Variants in SPATC1 observed in about 807,000 individuals in gnomAD.
The protein encoded by SPATC1 is spermatogenesis and centriole associated 1.
Under a neutral mutation model 36.5 loss-of-function variants are expected in SPATC1, and 35 were observed. The ratio of observed to expected loss-of-function variants is 0.96; its 90% confidence interval spans 0.73 to 1.27. The LOEUF (loss-of-function observed/expected upper bound fraction) is 1.27. SPATC1 is among the 50% of genes most tolerant of loss of function. SPATC1 has a pLI of 0.00. For missense variants in SPATC1, 779 were observed against 796.0 expected, an observed-to-expected ratio of 0.98 and a Z score of 0.26; for synonymous variants, 361 against 353.6, an observed-to-expected ratio of 1.02 and a Z score of -0.24.
chr8:144,023,637 TGAGGAACTTCTTC>T (rs1834600379), intron 1 of SPATC1, among the ~76,000 whole-genome samples: 1 of 95,432 alleles, frequency 1.0e-5, no homozygotes, highest in Non-Finnish European at 2.2e-5. Context: ...CCCTCTTCCC[TGAGGAACTTCTTC>T]CCTCAGGACC....
chr8:144,046,608 A>G lies in SPATC1; in HGVS notation c.1447-19A>G, dbSNP rs1835268570. 6.3e-7 allele frequency: 1 copy of G among 1,594,790 alleles called. No individual in the cohort carries two copies. The highest frequency in any genetic ancestry group is 8.5e-7 in the Non-Finnish European group (1 of 1,172,604). ...GAGGTGTGGCAAGGGAGGGTCCCTG[A>G]TGGCCGCTGTCCCCACAGGCTTCCC... On this transcript the variant is annotated intron_variant, in intron 4 of 4. Coordinates refer to ENST00000377470, the MANE Select transcript of SPATC1 (RefSeq NM_198572.3). This position sits in a 1 kb window ranked among gnomAD's most constrained non-coding sequence, Gnocchi z 6.6.
At chr8:144,027,072 T>C (rs1182912392) in intron 1 of SPATC1, among the ~76,000 whole-genome samples, 5 of 149,786 alleles carry the variant, frequency 3.3e-5, no homozygotes, top group Non-Finnish European at 7.4e-5. Flanking sequence ...GGCCCCATGA[T>C]CCGCCTGCCT....
intron 1 of SPATC1, among the ~76,000 whole-genome samples, chr8:144,032,450 G>C (rs1834816584): frequency 6.6e-6 from 1 of 151,852 alleles, no homozygotes; most frequent in African/African-American, 2.4e-5. Flanking sequence ...GCTAATTTTT[G>C]TATTCTTAGT....
At chr8:144,036,100 A>G (rs1834893164) in intron 1 of SPATC1, among the ~76,000 whole-genome samples, 1 of 152,166 alleles carries the variant, frequency 6.6e-6, no homozygotes, top group Admixed American at 6.5e-5. Context: ...CTTTCTAAAA[A>G]GTCAGAACAA....
At chr8:144,012,785 G>A (rs1354732149) in intron 1 of SPATC1, 59 bp downstream of exon 1, 3 of 1,528,416 alleles carry the variant, frequency 2.0e-6, no homozygotes, top group Non-Finnish European at 2.7e-6. Context: ...CCAGAGAGGA[G>A]AGACTCAGTG....
chr8:144,041,161 C>T lies in SPATC1; in HGVS notation c.1306+54C>T, dbSNP rs573619639. The T allele has an allele frequency of 6.3e-5, 100 of 1,593,896 alleles. No individual in the cohort carries two copies. In the East Asian group the frequency reaches 1.5e-3, roughly 23 times the overall value. On this transcript the variant is annotated intron_variant, in intron 3 of 4. Transcript: ENST00000377470. ...TCGGGCCCCCAGGCCCTCTCCCTGC[C>T]GCCTGCCTGGGCTGCTGAGCCCAGC...
In SPATC1 at chr8:144,046,500, C is replaced by G. The variant is rs147747253; in HGVS notation, c.1447-127C>G. The G allele has an allele frequency of 4.3e-4, 370 of 856,478 alleles. 3 individuals carry two copies. In the African/African-American group the frequency reaches 5.6e-3, roughly 13 times the overall value. The allele number at this position is 856,478 out of a possible 1,614,324, so 53.1% of individuals were successfully genotyped here. On this transcript the variant is annotated intron_variant, in intron 4 of 4. Transcript: ENST00000377470. The surrounding 1 kb of genome is among the most constrained non-coding windows in gnomAD (Gnocchi z 6.6). ...TAGATTCTTGAGGTCTGTCGCAGAA[C>G]CTCCCCACCGCACACCCCTCGGATC... is the stretch of plus-strand genomic sequence containing the variant.
rs1554756166 is a variant in SPATC1, at chr8:144,041,993, C to T, written c.1446+622C>T. 5 of 985,098 alleles carry T rather than the reference C, an allele frequency of 5.1e-6. No individual in the cohort carries two copies. The African/African-American group carries it at 5.3e-5, about 10-fold the overall frequency. The allele number at this position is 985,098 out of a possible 1,614,324, so 61.0% of individuals were successfully genotyped here. ...GTTTGTTTGTTTTCAGATGGACTCTCGCTCTGTCACCTGCCCAGGGTGAGC... is the reference window on the plus strand; with the variant it reads ...GTTTGTTTGTTTTCAGATGGACTCTTGCTCTGTCACCTGCCCAGGGTGAGC... On this transcript the variant is annotated intron_variant, in intron 4 of 4. Transcript: ENST00000377470.
intron 1 of SPATC1, among the ~76,000 whole-genome samples, chr8:144,025,021 G>C (rs1834647666): frequency 7.0e-6 from 1 of 143,700 alleles, no homozygotes; most frequent in Non-Finnish European, 1.5e-5. Context: ...CTCCTCTCAG[G>C]ACCATCTCAC....
intron 1 of SPATC1, among the ~76,000 whole-genome samples, chr8:144,036,605 C>T (rs1247235990): frequency 9.2e-5 from 14 of 152,050 alleles, no homozygotes; most frequent in Non-Finnish European, 1.5e-4. Context: ...ATTACAGGCA[C>T]GAACCACCAC....
chr8:144,040,494 A>AG, intron 2 of SPATC1, 31 bp downstream of exon 2: 1 of 1,563,934 alleles, frequency 6.4e-7, no homozygotes, highest in African/African-American at 1.4e-5. Context: ...TGGGTGGCAG[A>AG]GTGGGGGGGG....
At chr8:144,041,881 G>C (rs922191463) in intron 4 of SPATC1, 1 of 889,190 alleles carries the variant, frequency 1.1e-6, no homozygotes, top group African/African-American at 1.8e-5. Flanking sequence ...AGCCTAAGCG[G>C]GAGCTACTGT....
intron 1 of SPATC1, among the ~76,000 whole-genome samples, chr8:144,038,106 C>T (rs1476536364): frequency 4.2e-5 from 6 of 143,766 alleles, no homozygotes; most frequent in South Asian, 2.2e-4. Context: ...CCAGCCTGGG[C>T]GACAGTGAGA....
intron 4 of SPATC1, among the ~76,000 whole-genome samples, chr8:144,043,968 A>T (rs1380286979): frequency 6.6e-6 from 1 of 152,094 alleles, no homozygotes; most frequent in Non-Finnish European, 1.5e-5. Flanking sequence ...ACTGGGTCCT[A>T]CAGACTCTCC....
In SPATC1 at chr8:144,012,558, G is replaced by A; in HGVS notation, c.43G>A (p.Glu15Lys). The A allele has an allele frequency of 1.5e-5, 24 of 1,551,772 alleles. No homozygotes were observed. Among genetic ancestry groups the A allele is most frequent in the Non-Finnish European group, 2.0e-5 (23 of 1,147,004 alleles). ...TTATGAAGGGCTTCGGCATCAGATA[G>A]AGAGGCTGGTGCGGGAAAATGAGGA... ...TNYEGLRHQI[E>K]RLVRENEELK... The change falls in exon 1 of 5, where the codon GAG becomes AAG. Residue 15 changes from glutamate to lysine, a missense_variant. Transcript: ENST00000377470.
In SPATC1 at chr8:144,040,266, C is replaced by G. The variant is rs377103432; in HGVS notation, c.569C>G (p.Thr190Arg). Residue 190 changes from threonine (T) to arginine (R), a missense_variant, in exon 2 of 5, where the codon ACG (threonine) becomes AGG (arginine). Transcript: ENST00000377470. ...CCCCTGATAGCCCCTGTGATGGGCA[C>G]GGTGGCTGTCTCTCTGAGCAGCCCC... ...SSPLIAPVMG[T>R]VAVSLSSPLL... is the part of the protein sequence containing the mutation. The G allele has an allele frequency of 6.2e-7, 1 of 1,612,854 alleles. No individual in the cohort carries two copies. The highest frequency in any genetic ancestry group is 8.5e-7 in the Non-Finnish European group (1 of 1,179,874).
At chr8:144,042,990 ATTTT>A (rs1287009285) in intron 4 of SPATC1, among the ~76,000 whole-genome samples, 1 of 118,070 alleles carries the variant, frequency 8.5e-6, no homozygotes. Flanking sequence ...ACACCTGGCT[ATTTT>A]TTTTTTTTTT....
chr8:144,046,337 G>A lies in SPATC1; in HGVS notation c.1447-290G>A, dbSNP rs1257545607. On this transcript the variant is annotated intron_variant, in intron 4 of 4. Transcript: ENST00000377470. The surrounding 1 kb of genome is among the most constrained non-coding windows in gnomAD (Gnocchi z 6.6). Reference sequence around the variant, plus strand: ...GCCCAGTTGCACTCCCTGGTGGTGCGTGGAGCAGACGACAGGGTTGGGGCA... The same window carrying A: ...GCCCAGTTGCACTCCCTGGTGGTGCATGGAGCAGACGACAGGGTTGGGGCA... Among the ~76,000 whole-genome samples the A allele has an allele frequency of 1.3e-5, 2 of 152,136 alleles. No individual in the cohort carries two copies. The highest frequency in any genetic ancestry group is 1.3e-4 in the Admixed American group (2 of 15,270).
intron 4 of SPATC1, among the ~76,000 whole-genome samples, chr8:144,042,297 ATATATATATATATAT>A (rs1269157282): frequency 1.9e-5 from 1 of 51,362 alleles, no homozygotes; most frequent in Non-Finnish European, 3.2e-5. Context: ...ATATATATAT[ATATATATATATATAT>A]TTTTTTTTTT....
Sources: gnomAD v4.1 joint callset for allele counts (sites outside exome capture counted in the v4.1 genomes callset) on GRCh38, gnomAD v4.1.1 for gene constraint, Gnocchi (gnomAD v3.1) non-coding constraint, MANE v1.5 for transcripts, NCBI Gene and HGNC (gene_info 2026-07-23, HGNC 2026-07-21) for gene names.